The following DCT variants were observed in gnomAD, a reference collection of about 807,000 sequenced individuals.
DCT encodes L-dopachrome tautomerase.
Under a neutral mutation model 53.0 loss-of-function variants are expected in DCT, and 47 were observed. The observed-to-expected ratio is 0.89, with a 90% CI of 0.70 to 1.13. The LOEUF (loss-of-function observed/expected upper bound fraction) is 1.13, where lower values mean the gene tolerates loss of function less well. Ranked by LOEUF, DCT falls within the 50% of genes most tolerant of loss-of-function variation. The pLI is 0.00. For missense variants in DCT, 669 were observed against 637.4 expected, an observed-to-expected ratio of 1.05 and a Z score of -0.53; for synonymous variants, 244 against 237.0, an observed-to-expected ratio of 1.03 and a Z score of -0.27.
chr13:94,440,230 C>A (rs558879830), intron 7 of DCT, among the ~76,000 whole-genome samples, 154 bp from the exon 8 acceptor site: 1 of 152,310 alleles, frequency 6.6e-6, no homozygotes, highest in Admixed American at 6.5e-5. Context: ...CCTTTCTCAC[C>A]ATTTATCATA....
intron 6 of DCT, among the ~76,000 whole-genome samples, chr13:94,451,948 A>G (rs1219654917): frequency 6.6e-6 from 1 of 151,932 alleles, no homozygotes; most frequent in Non-Finnish European, 1.5e-5. Flanking sequence ...AGAAGTCATG[A>G]TCACAAACAA....
the DCT span, among the ~76,000 whole-genome samples, chr13:94,531,130 G>A: frequency 2.7e-3 from 417 of 152,248 alleles, 2 homozygotes; most frequent in African/African-American, 9.4e-3. Flanking sequence ...ACTGTTCAAC[G>A]AAATAAAAGA....
the DCT span, among the ~76,000 whole-genome samples, chr13:94,491,349 G>A: frequency 6.6e-6 from 1 of 152,204 alleles, no homozygotes; most frequent in South Asian, 2.1e-4. Flanking sequence ...TTCTTCTTGT[G>A]TTCAAGGCTC....
At chr13:94,547,987 ATAT>A in the DCT span, among the ~76,000 whole-genome samples, 13 of 69,698 alleles carry the variant, frequency 1.9e-4, no homozygotes, top group Non-Finnish European at 3.7e-4. Context: ...AAAAAAAAAT[ATAT>A]ATATATATAT....
intron 4 of DCT, 70 bp downstream of exon 4, chr13:94,465,563 C>T: frequency 2.1e-6 from 3 of 1,439,590 alleles, no homozygotes; most frequent in Non-Finnish European, 2.9e-6. Context: ...TATAAAGTGA[C>T]TTCTCCTCCA....
chr13:94,469,638 G>A (rs1884497498), intron 1 of DCT, among the ~76,000 whole-genome samples: 1 of 152,114 alleles, frequency 6.6e-6, no homozygotes, highest in Non-Finnish European at 1.5e-5. Flanking sequence ...AGCAGTAGCA[G>A]ACTCATGCAC....
rs756489816 is a variant in DCT, at chr13:94,443,547, T to C, written c.1270A>G (p.Ile424Val). The change falls in exon 7 of 8, where the codon ATT becomes GTT. Residue 424 changes from isoleucine (I) to valine (V), a missense_variant. Ile to Val is a conservative substitution (Grantham distance 29). Transcript: ENST00000377028. ...ATGTTGTACATCCGATTGTGACCAA[T>C]AGGGGCCAGCTCCTGAGGCCAGGCA... ...ADAWPQELAP[I>V]GHNRMYNMVP... is the part of the protein sequence containing the mutation. The C allele has an allele frequency of 4.3e-5, 70 of 1,613,784 alleles. No homozygotes were observed. The highest frequency in any genetic ancestry group is 2.9e-4 in the East Asian group (13 of 44,868).
chr13:94,459,907 T>C (rs1883666456), intron 6 of DCT, among the ~76,000 whole-genome samples, 184 bp downstream of exon 6: 1 of 152,228 alleles, frequency 6.6e-6, no homozygotes, highest in Admixed American at 6.5e-5. Flanking sequence ...GAAGCATGGG[T>C]TCTGATTAGG....
At chr13:94,518,415 CATG>C in the DCT span, among the ~76,000 whole-genome samples, 1 of 152,194 alleles carries the variant, frequency 6.6e-6, no homozygotes, top group African/African-American at 2.4e-5. Flanking sequence ...AAACTTTTCT[CATG>C]ATCTCACTCT....
chr13:94,459,160 T>C (rs1316158800), intron 6 of DCT, among the ~76,000 whole-genome samples: 1 of 152,182 alleles, frequency 6.6e-6, no homozygotes, highest in African/African-American at 2.4e-5. Context: ...ATTACAGTCA[T>C]GAGCCACCAT....
rs561655831 is a variant in DCT, at chr13:94,450,486, T to C, written c.1180-6849A>G. Among the ~76,000 whole-genome samples, 7 of 152,236 alleles carry C rather than the reference T, an allele frequency of 4.6e-5. No individual in the cohort carries two copies. In the South Asian group the frequency reaches 1.5e-3, roughly 32 times the overall value. ...TTGGAGGAGTTATATCAGGAACACA[T>C]TCTCCCACATAGACTTGTATAATAG... On this transcript the variant is annotated intron_variant, in intron 6 of 7. Transcript: ENST00000377028.
the DCT span, among the ~76,000 whole-genome samples, chr13:94,494,989 A>G: frequency 6.6e-6 from 1 of 152,246 alleles, no homozygotes; most frequent in African/African-American, 2.4e-5. Flanking sequence ...TGTCACTTGT[A>G]TTAATAATTC....
the DCT span, among the ~76,000 whole-genome samples, chr13:94,507,112 G>A: frequency 0.45 from 69,034 of 151,972 alleles, 16,954 homozygotes; most frequent in African/African-American, 0.63. Flanking sequence ...CAACTACATG[G>A]CATGCCATGC....
chr13:94,476,469 CTTTTTTTTTT>C (rs57154236), intron 1 of DCT, among the ~76,000 whole-genome samples: 2 of 111,054 alleles, frequency 1.8e-5, no homozygotes, highest in African/African-American at 6.9e-5. Context: ...TTGGCACTTT[CTTTTTTTTTT>C]TTTTTTTTTT....
the DCT span, among the ~76,000 whole-genome samples, chr13:94,521,947 C>T: frequency 1.3e-5 from 2 of 152,156 alleles, no homozygotes; most frequent in African/African-American, 4.8e-5. Flanking sequence ...CTGTGTCTAT[C>T]GATTTACCTA....
chr13:94,466,650 G>C lies in DCT; in HGVS notation c.604C>G (p.Arg202Gly). 1 of 1,592,732 alleles carries C rather than the reference G, an allele frequency of 6.3e-7. No homozygotes were observed. Among genetic ancestry groups the C allele is most frequent in the Non-Finnish European group, 8.5e-7 (1 of 1,171,350 alleles). The change falls in exon 3 of 8, where the codon CGC (arginine) becomes GGC (glycine). Residue 202 changes from arginine (R) to glycine (G), a missense_variant. Coordinates refer to ENST00000377028, the MANE Select transcript of DCT (RefSeq NM_001922.5). ...GAGAAATCTATGGCCCTGTAGGGGC[G>C]TCCTGGTCCTGAAACAATTGGGAAA... ...SVRDTLLGPG[R>G]PYRAIDFSHQ...
At chr13:94,538,140 C>A in the DCT span, among the ~76,000 whole-genome samples, 1 of 152,020 alleles carries the variant, frequency 6.6e-6, no homozygotes, top group African/African-American at 2.4e-5. Flanking sequence ...TAAGTTTTCT[C>A]GGGCAGCCAA....
At chr13:94,525,829 CA>C in the DCT span, among the ~76,000 whole-genome samples, 1 of 151,994 alleles carries the variant, frequency 6.6e-6, no homozygotes, top group Non-Finnish European at 1.5e-5. Flanking sequence ...TCTGTCTCTA[CA>C]AAACATAAAA....
chr13:94,470,096 A>G (rs1884542994), intron 1 of DCT, among the ~76,000 whole-genome samples: 1 of 152,174 alleles, frequency 6.6e-6, no homozygotes, highest in Non-Finnish European at 1.5e-5. Flanking sequence ...AAAGAAAGAA[A>G]GAAAGGAAGA....
Sources: gnomAD v4.1 joint callset for allele counts (sites outside exome capture counted in the v4.1 genomes callset) on GRCh38, gnomAD v4.1.1 for gene constraint, MANE v1.5 for transcripts, NCBI Gene and HGNC (gene_info 2026-07-23, HGNC 2026-07-21) for gene names.